The following CEP128 variants were observed in gnomAD, a reference collection of about 807,000 sequenced individuals.
CEP128 encodes the protein centrosomal protein 128kDa.
Under a neutral mutation model 156.7 loss-of-function variants are expected in CEP128, and 132 were observed. That is an observed-to-expected ratio of 0.84 (90% CI 0.73 to 0.97). The LOEUF is 0.97. CEP128 is among the 50% of genes least tolerant of loss of function. The pLI is 0.00. For missense variants in CEP128, 1,252 were observed against 1,281.9 expected (o/e 0.98, Z 0.36); for synonymous variants, 469 against 448.9 (o/e 1.04, Z -0.57).
At chr14:80,596,842 A>AAAAAAAAAAAAAG (rs1555379468) in intron 19 of CEP128, among the ~76,000 whole-genome samples, 3 of 69,830 alleles carry the variant, frequency 4.3e-5, no homozygotes, top group African/African-American at 1.0e-4. Flanking sequence ...AAAAAAAAAA[A>AAAAAAAAAAAAAG]GGTGGGGGGG....
downstream of CEP128, among the ~76,000 whole-genome samples, chr14:80,489,098 A>G (rs370422049): frequency 1.3e-5 from 2 of 151,954 alleles, no homozygotes; most frequent in East Asian, 3.9e-4. Context: ...ACAAACCTGC[A>G]CATTGTGCAC....
At chr14:80,785,948 AC>A (rs1379610572) in intron 14 of CEP128, among the ~76,000 whole-genome samples, 1 of 152,212 alleles carries the variant, frequency 6.6e-6, no homozygotes, top group Non-Finnish European at 1.5e-5. Flanking sequence ...CCAATGATAC[AC>A]TTTTAAAAAG....
chr14:80,783,382 T>G (rs1050511537), intron 15 of CEP128, among the ~76,000 whole-genome samples: 1 of 152,180 alleles, frequency 6.6e-6, no homozygotes, highest in Non-Finnish European at 1.5e-5. Context: ...TCTCCTGCTG[T>G]AAGACCGTGG....
At chr14:80,511,578 TC>T (rs1003579223) in intron 23 of CEP128, among the ~76,000 whole-genome samples, 4 of 152,036 alleles carry the variant, frequency 2.6e-5, no homozygotes, top group Non-Finnish European at 5.9e-5. Context: ...TGTATTTTTT[TC>T]ATTTCACTTT....
intron 16 of CEP128, among the ~76,000 whole-genome samples, chr14:80,763,201 C>T (rs1247118581): frequency 6.6e-6 from 1 of 152,178 alleles, no homozygotes; most frequent in Non-Finnish European, 1.5e-5. Context: ...ATGTTCACCA[C>T]ACATCAGGAA....
At chr14:80,706,797 T>A (rs1328764132) in intron 19 of CEP128, among the ~76,000 whole-genome samples, 1 of 152,132 alleles carries the variant, frequency 6.6e-6, no homozygotes, top group East Asian at 1.9e-4. Flanking sequence ...TTATTGTCCC[T>A]GTGGCTCTGT....
At position 80,656,271 on chromosome 14, in the gene CEP128, GTTTTTA is replaced by G. The variant is rs1566837590; in HGVS notation, c.2807-75854_2807-75849del. Among the ~76,000 whole-genome samples the G allele has an allele frequency of 1.5e-3, 110 of 74,388 alleles. 1 individual carries two copies. The highest frequency in any genetic ancestry group is 4.5e-3 in the African/African-American group (81 of 17,914). The allele number at this position is 74,388 out of a possible 152,430, so 48.8% of individuals were successfully genotyped here. On this transcript the variant is annotated intron_variant, in intron 19 of 24. Transcript: ENST00000555265. Reference sequence around the variant, plus strand: ...CTCAAGTATTTCTCAATAAACCTAAGTTTTTATTTATATATATATTTATATATATAT... The same window carrying G: ...CTCAAGTATTTCTCAATAAACCTAAGTTTATATATATATTTATATATATAT...
intron 21 of CEP128, among the ~76,000 whole-genome samples, chr14:80,548,449 ATATCT>A (rs1890078043): frequency 6.6e-6 from 1 of 152,142 alleles, no homozygotes; most frequent in African/African-American, 2.4e-5. Flanking sequence ...TGTAATACGA[ATATCT>A]TATTTTATGG....
intron 19 of CEP128, among the ~76,000 whole-genome samples, chr14:80,687,892 A>C (rs117586314): frequency 3.9e-5 from 6 of 152,314 alleles, no homozygotes; most frequent in Non-Finnish European, 7.4e-5. Flanking sequence ...AAAACGTATT[A>C]GATTTTTTCC....
chr14:80,862,859 C>T lies in CEP128; in HGVS notation c.660G>A (p.Val220=), dbSNP rs753093081. 2.5e-6 allele frequency: 4 copies of T among 1,613,552 alleles called. No homozygotes were observed. The highest frequency in any genetic ancestry group is 2.5e-6 in the Non-Finnish European group (3 of 1,179,636). The change falls in exon 9 of 25, where the codon GTG becomes GTA. Residue 220 remains valine, a synonymous_variant. Transcript: ENST00000555265. ...TCTCCAGTTCCTGAAGCCGCCGCTC[C>T]ACCCGATCTGAAACCTTAATAAGAA... The part of the protein sequence containing the change: ...AQKQEVVSDR[V]ERRLQELERE...
At chr14:80,667,388 A>G (rs1280587194) in intron 19 of CEP128, among the ~76,000 whole-genome samples, 1 of 152,240 alleles carries the variant, frequency 6.6e-6, no homozygotes, top group Non-Finnish European at 1.5e-5. Context: ...ATAAAAAATG[A>G]TTTAGAAATG....
intron 1 of CEP128, among the ~76,000 whole-genome samples, chr14:80,940,236 A>G (rs1886069842): frequency 6.6e-6 from 1 of 152,252 alleles, no homozygotes; most frequent in Non-Finnish European, 1.5e-5. Context: ...AAAGAGACCC[A>G]GGTTATGCAA....
chr14:80,486,730 A>C (rs1192399836), downstream of CEP128, among the ~76,000 whole-genome samples: 1 of 152,176 alleles, frequency 6.6e-6, no homozygotes, highest in Non-Finnish European at 1.5e-5. Flanking sequence ...TTCTTAAAGA[A>C]AAGAATTTTC....
chr14:80,495,870 C>T (rs1030805457), downstream of CEP128, among the ~76,000 whole-genome samples: 4 of 152,136 alleles, frequency 2.6e-5, no homozygotes, highest in African/African-American at 9.6e-5. Flanking sequence ...AGATAAAATA[C>T]TTTGATGTTG....
At position 80,540,494 on chromosome 14, in the gene CEP128, G is replaced by A. The variant is rs182988420; in HGVS notation, c.2881-9608C>T. On this transcript the variant is annotated intron_variant, in intron 21 of 24. Transcript: ENST00000555265. ...GTGAAGAGCCTGGTGTGGCCAGGTA[G>A]GAGCTTGCAGCCAGGTGAGGCCAAA... is the stretch of plus-strand genomic sequence containing the variant. Among the ~76,000 whole-genome samples, 754 of 152,350 alleles carry A rather than the reference G, an allele frequency of 4.9e-3. 31 individuals are homozygous for A. The highest frequency in any genetic ancestry group is 0.047 in the Admixed American group (720 of 15,306).
chr14:80,835,023 A>G (rs1042033418), intron 12 of CEP128, among the ~76,000 whole-genome samples: 4 of 152,134 alleles, frequency 2.6e-5, no homozygotes, highest in African/African-American at 9.7e-5. Context: ...TTCTTGTAGC[A>G]GGAGTGAGTT....
chr14:80,910,231 C>G (rs576247368), intron 4 of CEP128, among the ~76,000 whole-genome samples: 3 of 152,290 alleles, frequency 2.0e-5, no homozygotes, highest in Non-Finnish European at 4.4e-5. Flanking sequence ...ACAATGGAAA[C>G]TACTGTGCAC....
At chr14:80,656,286 TA>T (rs1895146553) in intron 19 of CEP128, among the ~76,000 whole-genome samples, 1 of 6,800 alleles carries the variant, frequency 1.5e-4, no homozygotes, top group South Asian at 4.0e-3. Context: ...TATTTATATA[TA>T]TATTTATATA....
chr14:80,560,791 T>C (rs1890637879), intron 20 of CEP128, among the ~76,000 whole-genome samples: 1 of 152,148 alleles, frequency 6.6e-6, no homozygotes, highest in African/African-American at 2.4e-5. Flanking sequence ...GCCACGTTCT[T>C]CAGTTTTGGG....
Sources: gnomAD v4.1 joint callset for allele counts (sites outside exome capture counted in the v4.1 genomes callset) on GRCh38, gnomAD v4.1.1 for gene constraint, MANE v1.5 for transcripts, NCBI Gene and HGNC (gene_info 2026-07-23, HGNC 2026-07-21) for gene names.